The following FUT9 variants were observed in gnomAD, a reference collection of about 807,000 sequenced individuals.
The protein encoded by FUT9 is 4-galactosyl-N-acetylglucosaminide 3-alpha-L-fucosyltransferase 9.
A neutral mutation model predicts 29.7 loss-of-function variants in FUT9; 15 were observed. The ratio of observed to expected loss-of-function variants is 0.51; its 90% CI spans 0.34 to 0.78. The LOEUF (loss-of-function observed/expected upper bound fraction) is 0.78, where lower values mean the gene tolerates loss of function less well. FUT9 is among the 30% of genes least tolerant of loss of function. FUT9 has a pLI of 0.01. For missense variants in FUT9, 319 were observed against 425.4 expected (o/e 0.75, Z 2.20); for synonymous variants, 169 against 153.7 (o/e 1.10, Z -0.74).
At position 96,210,350 on chromosome 6, in the gene FUT9, C is replaced by A. The variant is rs147103029; in HGVS notation, c.*6115C>A. The stretch of plus-strand genomic sequence containing the variant: ...GGGCAGGTTATTTATAGTCTCCAGA[C>A]ACTTTTTCCAGTTGCGAGTTGCTTA... On this transcript the variant is annotated 3_prime_UTR_variant, in exon 3 of 3. Transcript: ENST00000302103. 16 of 167,016 alleles carry A rather than the reference C, an allele frequency of 9.6e-5. No individual in the cohort carries two copies. Among genetic ancestry groups the A allele is most frequent in the African/African-American group, 3.1e-4 (13 of 41,542 alleles). 10.3% of individuals were successfully genotyped at this position (167,016 alleles called of 1,614,324 possible).
chr6:96,176,065 A>G lies in FUT9; in HGVS notation c.-8-27083A>G, dbSNP rs531677243. On this transcript the variant is annotated intron_variant, in intron 2 of 2. Transcript: ENST00000302103. Reference sequence around the variant, plus strand: ...GCTTCTCCTGCTTTTGGACATCAGAACTCCAGGATCTCCAGCCTTCAGACT... The same window carrying G: ...GCTTCTCCTGCTTTTGGACATCAGAGCTCCAGGATCTCCAGCCTTCAGACT... Among the ~76,000 whole-genome samples the G allele has an allele frequency of 2.0e-5, 3 of 152,182 alleles. No homozygotes were observed. In the East Asian group the frequency reaches 5.8e-4, roughly 29 times the overall value.
chr6:96,128,075 G>C (rs999348341), intron 2 of FUT9, among the ~76,000 whole-genome samples: 1 of 151,778 alleles, frequency 6.6e-6, no homozygotes, highest in African/African-American at 2.4e-5. Flanking sequence ...TTTTAAAAAA[G>C]AAAATTGTAA....
chr6:96,075,444 T>G (rs1386046184), intron 1 of FUT9, among the ~76,000 whole-genome samples: 1 of 152,154 alleles, frequency 6.6e-6, no homozygotes, highest in African/African-American at 2.4e-5. Flanking sequence ...ATTTTGTGCT[T>G]CAGAAATGAA....
intron 1 of FUT9, among the ~76,000 whole-genome samples, chr6:96,092,622 A>G (rs751636696): frequency 2.6e-5 from 4 of 152,184 alleles, no homozygotes; most frequent in South Asian, 2.1e-4. Flanking sequence ...ACAACTCACA[A>G]TCGAGACTTT....
At chr6:96,165,770 C>T (rs1185209956) in intron 2 of FUT9, among the ~76,000 whole-genome samples, 1 of 152,016 alleles carries the variant, frequency 6.6e-6, no homozygotes, top group Non-Finnish European at 1.5e-5. Flanking sequence ...TGTGCACCAC[C>T]ATGCCTGGTT....
At chr6:96,153,089 C>T (rs77909412) in intron 2 of FUT9, among the ~76,000 whole-genome samples, 2,687 of 152,308 alleles carry the variant, frequency 0.018, 48 homozygotes, top group Middle Eastern at 0.044. Context: ...CCTTTAAAAA[C>T]ATCCTTCCAT....
intron 1 of FUT9, among the ~76,000 whole-genome samples, chr6:96,088,198 C>A (rs2127952942): frequency 6.6e-6 from 1 of 152,000 alleles, no homozygotes; most frequent in Middle Eastern, 3.4e-3. Context: ...ATGTAACAAA[C>A]CTCCACGTTG....
intron 2 of FUT9, among the ~76,000 whole-genome samples, chr6:96,171,728 C>T (rs1443343462): frequency 6.6e-6 from 1 of 152,066 alleles, no homozygotes; most frequent in African/African-American, 2.4e-5. Context: ...GCCCATGCAG[C>T]AAAACTTTGA....
intron 2 of FUT9, among the ~76,000 whole-genome samples, chr6:96,160,997 T>C: frequency 6.6e-6 from 1 of 152,172 alleles, no homozygotes; most frequent in East Asian, 1.9e-4. Context: ...ATCCATCTAC[T>C]TCTATAGGGT....
chr6:96,029,657 A>G (rs2127925788), intron 1 of FUT9, among the ~76,000 whole-genome samples: 1 of 151,744 alleles, frequency 6.6e-6, no homozygotes, highest in African/African-American at 2.4e-5. Context: ...TAATTGACAA[A>G]TTATAAGATA....
Position 96,113,853 on chromosome 6 carries a change from C to CA in FUT9, c.-97-168dup, listed in dbSNP as rs11316093. Among the ~76,000 whole-genome samples, 997 of 124,722 alleles carry CA rather than the reference C, an allele frequency of 8.0e-3. 16 individuals carry two copies. Among genetic ancestry groups the CA allele is most frequent in the African/African-American group, 0.024 (747 of 30,940 alleles). The allele number at this position is 124,722 out of a possible 152,430, so 81.8% of individuals were successfully genotyped here. On this transcript the variant is annotated intron_variant, in intron 1 of 2. Coordinates refer to ENST00000302103, the MANE Select transcript of FUT9 (RefSeq NM_006581.4). ...TGGGCCACAGAGCGAGACTCCATCTCAAAAAAAAAAAAAAAAAATTTAACA... is the reference window on the plus strand; with the variant it reads ...TGGGCCACAGAGCGAGACTCCATCTCAAAAAAAAAAAAAAAAAAATTTAACA...
At chr6:96,189,650 C>T (rs144698921) in intron 2 of FUT9, among the ~76,000 whole-genome samples, 2,124 of 152,184 alleles carry the variant, frequency 0.014, 50 homozygotes, top group African/African-American at 0.049. Flanking sequence ...GATCCCTTTA[C>T]CATTATATAA....
rs143914247 is a variant in FUT9, at chr6:96,158,691, C to T, written c.-8-44457C>T. Among the ~76,000 whole-genome samples the T allele has an allele frequency of 3.5e-3, 528 of 152,178 alleles. 2 individuals are homozygous for T. The highest frequency in any genetic ancestry group is 0.011 in the African/African-American group (472 of 41,548). On this transcript the variant is annotated intron_variant, in intron 2 of 2. Transcript: ENST00000302103. ...AGAGACTTAAAGAATCTCCAACCAT[C>T]TCTTCCGCTTCCATAATATTAGATT...
At chr6:96,079,731 A>AGAAAAAGTTCAGC (rs1771204288) in intron 1 of FUT9, among the ~76,000 whole-genome samples, 1 of 152,132 alleles carries the variant, frequency 6.6e-6, no homozygotes, top group Non-Finnish European at 1.5e-5. Context: ...AAAGCAACAT[A>AGAAAAAGTTCAGC]ATCGGAACTG....
chr6:96,058,267 G>A (rs943181452), intron 1 of FUT9, among the ~76,000 whole-genome samples: 1 of 151,802 alleles, frequency 6.6e-6, no homozygotes, highest in Non-Finnish European at 1.5e-5. Flanking sequence ...TTGTTCAAAG[G>A]GTTTGATTCC....
At chr6:96,032,215 C>A (rs1218240330) in intron 1 of FUT9, among the ~76,000 whole-genome samples, 1 of 151,492 alleles carries the variant, frequency 6.6e-6, no homozygotes, top group Admixed American at 6.6e-5. Flanking sequence ...CCGGAGGAGT[C>A]GTACTTATTT....
chr6:96,038,089 G>C lies in FUT9; in HGVS notation c.-98+21877G>C, dbSNP rs112024215. On this transcript the variant is annotated intron_variant, in intron 1 of 2. Coordinates refer to ENST00000302103, the MANE Select transcript of FUT9 (RefSeq NM_006581.4). ...TTGCCACAAGGTCAATGGCTCCTAA[G>C]TAAGATGTATAAGATGACAACAGAC... Among the ~76,000 whole-genome samples the C allele has an allele frequency of 5.5e-3, 831 of 152,244 alleles. 10 individuals are homozygous for C. Among genetic ancestry groups the C allele is most frequent in the African/African-American group, 0.019 (774 of 41,542 alleles).
rs575035166 is a variant in FUT9, at chr6:96,067,169, T to C, written c.-97-46870T>C. The stretch of plus-strand genomic sequence containing the variant: ...ATATATTTATATATTTATTAGGCTA[T>C]GGATACATAAACTCATTAGGCTATG... On this transcript the variant is annotated intron_variant, in intron 1 of 2. Transcript: ENST00000302103. Among the ~76,000 whole-genome samples the C allele has an allele frequency of 4.4e-3, 644 of 147,462 alleles. 3 individuals are homozygous for C. Among genetic ancestry groups the C allele is most frequent in the Non-Finnish European group, 6.1e-3 (409 of 67,070 alleles).
chr6:96,174,016 A>G (rs1773160188), intron 2 of FUT9, among the ~76,000 whole-genome samples: 1 of 152,162 alleles, frequency 6.6e-6, no homozygotes, highest in African/African-American at 2.4e-5. Context: ...GAAAAATACA[A>G]GAAGTATTTA....
Sources: gnomAD v4.1 joint callset for allele counts (sites outside exome capture counted in the v4.1 genomes callset) on GRCh38, gnomAD v4.1.1 for gene constraint, MANE v1.5 for transcripts, NCBI Gene and HGNC (gene_info 2026-07-23, HGNC 2026-07-21) for gene names.